CORO2B: variants seen among roughly 807,000 people sequenced by gnomAD.
CORO2B encodes coronin 2B, also known as coronin-2B.
In CORO2B, 26 loss-of-function variants were observed where a neutral mutation model predicts 58.8. That is an observed-to-expected ratio of 0.44 (90% CI 0.32 to 0.61). The LOEUF (loss-of-function observed/expected upper bound fraction) is 0.61, where lower values mean the gene tolerates loss of function less well. Among genes scored for constraint, CORO2B ranks in the 20% least tolerant of loss-of-function variants. The pLI, the probability that CORO2B is intolerant of heterozygous loss-of-function variation, is 0.04. For missense variants in CORO2B, 460 were observed against 645.1 expected, an observed-to-expected ratio of 0.71 and a Z score of 3.11; for synonymous variants, 242 against 253.8, an observed-to-expected ratio of 0.95 and a Z score of 0.44.
chr15:68,678,726 C>G (rs1342430807), intron 2 of CORO2B, among the ~76,000 whole-genome samples: 1 of 152,210 alleles, frequency 6.6e-6, no homozygotes, highest in Non-Finnish European at 1.5e-5. Context: ...CAGGGATCAG[C>G]AGGTGGCATA....
intron 2 of CORO2B, among the ~76,000 whole-genome samples, chr15:68,682,606 G>A (rs890395184): frequency 3.3e-5 from 5 of 152,152 alleles, no homozygotes; most frequent in South Asian, 2.1e-4. Context: ...CTCAGTGAGC[G>A]ATTGGTAATG....
intron 2 of CORO2B, among the ~76,000 whole-genome samples, chr15:68,674,707 C>T (rs56268459): frequency 0.19 from 29,438 of 152,200 alleles, 3,297 homozygotes; most frequent in Non-Finnish European, 0.25. Flanking sequence ...CTCAGCAGTG[C>T]TCCATGACCT....
intron 1 of CORO2B, among the ~76,000 whole-genome samples, chr15:68,589,049 C>A (rs1224912513): frequency 6.6e-6 from 1 of 152,192 alleles, no homozygotes; most frequent in East Asian, 1.9e-4. Context: ...TCCTGCCTTA[C>A]TCATTAAAAG....
At chr15:68,644,192 TAA>T (rs2140271978) in intron 1 of CORO2B, among the ~76,000 whole-genome samples, 1 of 152,348 alleles carries the variant, frequency 6.6e-6, no homozygotes, top group East Asian at 1.9e-4. Context: ...ATGGATTCTG[TAA>T]GTGTTCCAAG....
intron 1 of CORO2B, among the ~76,000 whole-genome samples, chr15:68,589,911 C>A (rs1460800270): frequency 4.6e-5 from 7 of 152,206 alleles, no homozygotes; most frequent in South Asian, 4.1e-4. Flanking sequence ...GCTGCCCAGG[C>A]CTGGCAGTGC....
chr15:68,640,024 G>A (rs976031782), intron 1 of CORO2B, among the ~76,000 whole-genome samples: 5 of 152,152 alleles, frequency 3.3e-5, no homozygotes, highest in South Asian at 2.1e-4. Flanking sequence ...TTACAGCCTC[G>A]GCAAGGCCTC....
In CORO2B at chr15:68,645,342, C is replaced by T. The variant is rs778091302; in HGVS notation, c.198C>T (p.Leu66=). 10 of 1,611,724 alleles carry T rather than the reference C, an allele frequency of 6.2e-6. No individual in the cohort carries two copies. In the Admixed American group the frequency reaches 6.7e-5, roughly 11 times the overall value. Reference sequence around the variant, plus strand: ...AGAGCGCAGGGGGCGGCTCCTTCCTCGTCATCCCCCTGGAGCAGGTAGGTG... The same window carrying T: ...AGAGCGCAGGGGGCGGCTCCTTCCTTGTCATCCCCCTGGAGCAGGTAGGTG... The part of the protein sequence containing the change: ...VTESAGGGSF[L]VIPLEQTGRI... Residue 66 remains leucine, a synonymous_variant, in exon 2 of 12, where the codon CTC becomes CTT. Coordinates refer to ENST00000261861, the MANE Select transcript of CORO2B (RefSeq NM_006091.5). This position sits in a 1 kb window ranked among gnomAD's most constrained non-coding sequence, Gnocchi z 4.5.
the CORO2B span, among the ~76,000 whole-genome samples, chr15:68,552,743 C>G: frequency 6.6e-6 from 1 of 152,188 alleles, no homozygotes; most frequent in South Asian, 2.1e-4. Flanking sequence ...CTTCAGCTAC[C>G]CCAAAGCATC....
chr15:68,652,294 CT>C (rs1885352560), intron 2 of CORO2B, among the ~76,000 whole-genome samples: 1 of 152,172 alleles, frequency 6.6e-6, no homozygotes, highest in Non-Finnish European at 1.5e-5. Context: ...GAATGTTAAG[CT>C]GCAGATGGGG....
chr15:68,649,619 G>T (rs1467976), intron 2 of CORO2B, among the ~76,000 whole-genome samples: 4,617 of 152,242 alleles, frequency 0.03, 216 homozygotes, highest in African/African-American at 0.1. Flanking sequence ...TCTGTCAATA[G>T]TTAGCATATT....
Position 68,645,170 on chromosome 15 carries a change from G to A in CORO2B, c.26G>A (p.Arg9His), listed in dbSNP as rs370083446. The A allele has an allele frequency of 4.3e-5, 70 of 1,614,026 alleles. 1 individual carries two copies. Among genetic ancestry groups the A allele is most frequent in the South Asian group, 9.9e-5 (9 of 91,046 alleles). Residue 9 changes from arginine to histidine, a missense_variant, in exon 2 of 12, where the codon CGT becomes CAT. Around this residue, in one of 2 missense-constraint regions of CORO2B, gnomAD observed 352 missense variants for 543.0 expected, o/e 0.65. Transcript: ENST00000261861. The surrounding 1 kb of genome is among the most constrained non-coding windows in gnomAD (Gnocchi z 4.5). The stretch of plus-strand genomic sequence containing the variant: ...CCTGGCCCCTCACAGATGTCCTGGC[G>A]TCCGCAATACCGTAGCTCCAAGTTC... MTVTKMSWRPQYRSSKFRN... is the reference protein window; with the variant it reads MTVTKMSWHPQYRSSKFRN...
the CORO2B span, among the ~76,000 whole-genome samples, chr15:68,531,500 AAAGGAAGGAAGGAAGG>A: frequency 0.22 from 24,546 of 113,468 alleles, 3,264 homozygotes; most frequent in African/African-American, 0.33. Flanking sequence ...GTATCTCAAA[AAAGGAAGGAAGGAAGG>A]AAGGAAGGAA....
chr15:68,626,369 T>TA (rs1179932635), intron 1 of CORO2B, among the ~76,000 whole-genome samples: 2 of 151,556 alleles, frequency 1.3e-5, no homozygotes, highest in African/African-American at 4.9e-5. Context: ...TCCTGACTTT[T>TA]AAAAAATGTT....
At chr15:68,669,831 T>C (rs1310010945) in intron 2 of CORO2B, among the ~76,000 whole-genome samples, 2 of 151,976 alleles carry the variant, frequency 1.3e-5, no homozygotes, top group Non-Finnish European at 2.9e-5. Flanking sequence ...CCAAGGTGGG[T>C]GGATCACTTG....
At position 68,676,399 on chromosome 15, in the gene CORO2B, G is replaced by T. The variant is rs1019428839; in HGVS notation, c.217-18741G>T. On this transcript the variant is annotated intron_variant, in intron 2 of 11. Coordinates refer to ENST00000261861, the MANE Select transcript of CORO2B (RefSeq NM_006091.5). The stretch of plus-strand genomic sequence containing the variant: ...CCACCTTAGCCTTTAATTTCCGGGG[G>T]CCAATCTAGCTTCAGGTCACCTTCC... Among the ~76,000 whole-genome samples the T allele has an allele frequency of 2.0e-5, 3 of 152,170 alleles. No individual in the cohort carries two copies. The South Asian group carries it at 6.2e-4, about 31-fold the overall frequency.
intron 2 of CORO2B, among the ~76,000 whole-genome samples, chr15:68,669,064 A>G: frequency 6.8e-6 from 1 of 147,364 alleles, no homozygotes; most frequent in Non-Finnish European, 1.5e-5. Flanking sequence ...AGAAAGAAAG[A>G]GAGAAAGAGA....
Position 68,648,020 on chromosome 15 carries a change from C to G in CORO2B, c.216+2660C>G, listed in dbSNP as rs371355619. Among the ~76,000 whole-genome samples, 199 of 113,864 alleles carry G rather than the reference C, an allele frequency of 1.7e-3. 1 individual carries two copies. The highest frequency in any genetic ancestry group is 6.4e-3 in the African/African-American group (191 of 29,972). 74.7% of individuals were successfully genotyped at this position (113,864 alleles called of 152,430 possible). On this transcript the variant is annotated intron_variant, in intron 2 of 11. Transcript: ENST00000261861. ...TCCACCCTGGGCAACGGAGAAAGAT[C>G]CTGTCTCTCAAAAAAAAAAAAAAAA...
At chr15:68,525,708 A>T in the CORO2B span, among the ~76,000 whole-genome samples, 2 of 152,244 alleles carry the variant, frequency 1.3e-5, no homozygotes, top group African/African-American at 4.8e-5. Flanking sequence ...TGCTGGGCAG[A>T]GAGTCAAACT....
chr15:68,654,051 T>C (rs146820737), intron 2 of CORO2B, among the ~76,000 whole-genome samples: 2 of 152,342 alleles, frequency 1.3e-5, no homozygotes, highest in Admixed American at 1.3e-4. Flanking sequence ...GTACAGTAAG[T>C]GACTTTGGAA....
Sources: allele counts gnomAD v4.1 joint callset (sites outside exome capture counted in the v4.1 genomes callset), GRCh38; gene constraint gnomAD v4.1.1; regional missense constraint gnomAD v4.1.1; non-coding constraint Gnocchi (gnomAD v3.1); transcripts MANE v1.5; gene names NCBI Gene and HGNC (gene_info 2026-07-23, HGNC 2026-07-21).